Variants in GCNT2 observed in about 807,000 individuals in gnomAD.
The protein encoded by GCNT2 is glucosaminyl (N-acetyl) transferase 2 (I blood group), also known as N-acetyllactosaminide beta-1,6-N-acetylglucosaminyl-transferase.
GCNT2 carries 34 observed loss-of-function variants against 34.2 expected under a neutral mutation model. That is an observed-to-expected ratio of 1.00 (90% CI 0.76 to 1.32). The LOEUF (loss-of-function observed/expected upper bound fraction) is 1.32, where lower values mean the gene tolerates loss of function less well. GCNT2 is among the 40% of genes most tolerant of loss of function. GCNT2 has a pLI of 0.00. For synonymous variants in GCNT2, 212 were observed against 188.0 expected (o/e 1.13, Z -1.04); for missense variants, 584 against 489.4 (o/e 1.19, Z -1.82).
At chr6:10,523,431 GAAAAAAA>G (rs34628756) in intron 1 of GCNT2, among the ~76,000 whole-genome samples, 2 of 122,472 alleles carry the variant, frequency 1.6e-5, no homozygotes, top group Admixed American at 8.3e-5. Context: ...CGTCTCAAAA[GAAAAAAA>G]AAAAAAAAAA....
At chr6:10,549,727 TTCCTACACCGTCTTCGAATTCAGCTTA>T (rs1237399986) in intron 3 of GCNT2, among the ~76,000 whole-genome samples, 5 of 151,958 alleles carry the variant, frequency 3.3e-5, no homozygotes, top group Non-Finnish European at 5.9e-5. Context: ...TTTAATCCCT[TTCCTACACCGTCTTCGAATTCAGCTTA>T]TGACCACTAC....
chr6:10,522,575 G>T (rs1561771442), intron 1 of GCNT2, among the ~76,000 whole-genome samples: 1 of 152,150 alleles, frequency 6.6e-6, no homozygotes, highest in African/African-American at 2.4e-5. Flanking sequence ...TAAAGGATCT[G>T]TTTCTTTGCA....
intron 3 of GCNT2, among the ~76,000 whole-genome samples, chr6:10,616,442 C>T (rs942778204): frequency 6.6e-6 from 1 of 152,210 alleles, no homozygotes; most frequent in Non-Finnish European, 1.5e-5. Flanking sequence ...TATCTGGCCC[C>T]ACCCACATCC....
At position 10,573,192 on chromosome 6, in the gene GCNT2, C is replaced by T. The variant is rs957716669; in HGVS notation, c.925+43356C>T. The T allele has an allele frequency of 8.1e-6, 8 of 982,824 alleles. No homozygotes were observed. The East Asian group carries it at 7.9e-4, about 98-fold the overall frequency. 60.9% of individuals were successfully genotyped at this position (982,824 alleles called of 1,614,324 possible). ...GGATCTCTGGCAGCAGCTGGATTGT[C>T]AAATAGTGTCTCTTGGAACTTCTCA... On this transcript the variant is annotated intron_variant, in intron 3 of 4. Coordinates refer to ENST00000495262, the MANE Select transcript of GCNT2 (RefSeq NM_145649.5).
chr6:10,591,689 C>T (rs754850757), intron 3 of GCNT2, among the ~76,000 whole-genome samples: 1 of 152,192 alleles, frequency 6.6e-6, no homozygotes, highest in African/African-American at 2.4e-5. Flanking sequence ...GTACCACTCC[C>T]GGGCTACTCA....
At chr6:10,556,331 T>C (rs1762699940) in intron 3 of GCNT2, 1 of 1,594,740 alleles carries the variant, frequency 6.3e-7, no homozygotes, top group Non-Finnish European at 8.5e-7. Context: ...GAGTGGAGTA[T>C]GTTGCAAAAT....
At chr6:10,564,095 T>C (rs1278334678) in intron 3 of GCNT2, among the ~76,000 whole-genome samples, 1 of 152,142 alleles carries the variant, frequency 6.6e-6, no homozygotes, top group African/African-American at 2.4e-5. Flanking sequence ...GGCTTTTTCA[T>C]GTGAGCAGAG....
chr6:10,597,445 A>G (rs1764906186), intron 3 of GCNT2, among the ~76,000 whole-genome samples: 1 of 151,888 alleles, frequency 6.6e-6, no homozygotes, highest in South Asian at 2.1e-4. Context: ...ACTAGCCACC[A>G]CGCCCGGCCA....
intron 3 of GCNT2, chr6:10,556,304 T>C (rs1309823680): frequency 1.5e-5 from 24 of 1,550,376 alleles, no homozygotes; most frequent in Non-Finnish European, 2.1e-5. Flanking sequence ...TCCCAGCGTC[T>C]CCAACAGGGC....
chr6:10,574,946 G>C (rs1011397222), intron 3 of GCNT2: 2 of 721,310 alleles, frequency 2.8e-6, no homozygotes, highest in Non-Finnish European at 5.1e-6. Flanking sequence ...TGCTTAATGT[G>C]CTCAATACAC....
At chr6:10,564,499 G>C (rs1444800394) in intron 3 of GCNT2, among the ~76,000 whole-genome samples, 1 of 152,184 alleles carries the variant, frequency 6.6e-6, no homozygotes, top group African/African-American at 2.4e-5. Context: ...AGAGAACCAG[G>C]TTGGACTCCT....
intron 3 of GCNT2, among the ~76,000 whole-genome samples, chr6:10,576,951 G>C (rs1763846897): frequency 6.6e-6 from 1 of 152,068 alleles, no homozygotes; most frequent in Admixed American, 6.6e-5. Flanking sequence ...AATTAGCCAA[G>C]TGCCTGTAGT....
chr6:10,542,506 A>G (rs1247125161), intron 3 of GCNT2, among the ~76,000 whole-genome samples: 1 of 152,198 alleles, frequency 6.6e-6, no homozygotes, highest in Non-Finnish European at 1.5e-5. Flanking sequence ...ACACAAAGAA[A>G]CCTCATGACC....
At chr6:10,613,800 C>G (rs921093666) in intron 3 of GCNT2, among the ~76,000 whole-genome samples, 2 of 152,096 alleles carry the variant, frequency 1.3e-5, no homozygotes, top group African/African-American at 4.8e-5. Context: ...TCAGATTTAC[C>G]TACTTCATTT....
intron 3 of GCNT2, among the ~76,000 whole-genome samples, chr6:10,581,469 C>G (rs982745243): frequency 1.3e-5 from 2 of 152,040 alleles, no homozygotes; most frequent in African/African-American, 4.8e-5. Context: ...AGGGTTTCTC[C>G]ATGATGGTCA....
chr6:10,564,301 C>T (rs1311638590), intron 3 of GCNT2, among the ~76,000 whole-genome samples: 2 of 152,136 alleles, frequency 1.3e-5, no homozygotes, highest in Admixed American at 6.5e-5. Flanking sequence ...ATGTGTGTGG[C>T]GGGCCCCTCA....
intron 3 of GCNT2, among the ~76,000 whole-genome samples, chr6:10,541,594 A>G (rs574293742): frequency 6.6e-6 from 1 of 152,288 alleles, no homozygotes; most frequent in East Asian, 1.9e-4. Flanking sequence ...AATTAAGGGA[A>G]GTTAGCAGAG....
chr6:10,559,989 C>T (rs994393008), intron 3 of GCNT2, among the ~76,000 whole-genome samples: 8 of 152,194 alleles, frequency 5.3e-5, no homozygotes, highest in African/African-American at 1.2e-4. Flanking sequence ...ATCCCACGCT[C>T]GAGTAACTCC....
chr6:10,536,103 T>C (rs1457579183), intron 3 of GCNT2, among the ~76,000 whole-genome samples: 1 of 151,980 alleles, frequency 6.6e-6, no homozygotes, highest in African/African-American at 2.4e-5. Context: ...AGATGCAAAT[T>C]TGGGAGCAGA....
Sources: allele counts gnomAD v4.1 joint callset (sites outside exome capture counted in the v4.1 genomes callset), GRCh38; gene constraint gnomAD v4.1.1; transcripts MANE v1.5; gene names NCBI Gene and HGNC (gene_info 2026-07-23, HGNC 2026-07-21).